The following AFAP1 variants were observed in gnomAD, a reference collection of about 807,000 sequenced individuals.
The protein encoded by AFAP1 is actin filament associated protein 1.
In AFAP1, 75 loss-of-function variants were observed where a neutral mutation model predicts 93.9. The ratio of observed to expected loss-of-function variants is 0.80; its 90% CI spans 0.66 to 0.97. The LOEUF is 0.97. Among genes scored for constraint, AFAP1 ranks in the 50% least tolerant of loss-of-function variants. The probability of loss-of-function intolerance (pLI) is 0.00; values close to 1 mark genes in which losing one functional copy is unlikely to be tolerated. For missense variants in AFAP1, 1,201 were observed against 1,050.8 expected (o/e 1.14, Z -1.98); for synonymous variants, 517 against 430.7 (o/e 1.20, Z -2.48).
rs1714039387 is a variant in AFAP1, at chr4:7,763,072, GAC to G, written c.*691_*692del. 1 of 152,506 alleles carries G rather than the reference GAC, an allele frequency of 6.6e-6. No individual in the cohort carries two copies. The highest frequency in any genetic ancestry group is 2.4e-5 in the African/African-American group (1 of 41,432). 9.4% of individuals were successfully genotyped at this position (152,506 alleles called of 1,614,324 possible). ...TCTGAAAACTCCTTGATCTAAGTGT[GAC>G]ACACAGTAAAAAGACATTCCTAAAA... On this transcript the variant is annotated 3_prime_UTR_variant, in exon 18 of 18. Coordinates refer to ENST00000420658, the MANE Select transcript of AFAP1 (RefSeq NM_001134647.2).
chr4:7,863,703 T>C (rs1716018435), intron 3 of AFAP1, among the ~76,000 whole-genome samples: 1 of 152,180 alleles, frequency 6.6e-6, no homozygotes, highest in South Asian at 2.1e-4. Flanking sequence ...TCTCAGGCTT[T>C]ATTAACTATT....
chr4:7,934,097 T>C (rs1309596291), intron 1 of AFAP1, among the ~76,000 whole-genome samples: 1 of 152,176 alleles, frequency 6.6e-6, no homozygotes, highest in Non-Finnish European at 1.5e-5. Flanking sequence ...CAACAGATGA[T>C]AGACTTGTTC....
chr4:7,796,063 G>A (rs1158502563), intron 10 of AFAP1, among the ~76,000 whole-genome samples: 1 of 152,118 alleles, frequency 6.6e-6, no homozygotes, highest in Non-Finnish European at 1.5e-5. Flanking sequence ...ACGTGTGAAT[G>A]TGTGTGTATG....
chr4:7,893,548 T>A (rs563262274), intron 1 of AFAP1, among the ~76,000 whole-genome samples: 99 of 142,508 alleles, frequency 6.9e-4, no homozygotes, highest in Non-Finnish European at 1.2e-3. Flanking sequence ...GCCACTGCAC[T>A]TCAGCCTGGG....
rs985420137 is a variant in AFAP1 at position 7,939,392 on chromosome 4, G to A, written c.-3+264C>T. 3.1e-6 allele frequency: 1 copy of A among 322,784 alleles called. No homozygotes were observed. The highest frequency in any genetic ancestry group is 6.2e-6 in the Non-Finnish European group (1 of 161,576). The allele number at this position is 322,784 out of a possible 1,614,324, so 20.0% of individuals were successfully genotyped here. A position where few individuals can be genotyped will look rare whatever the true frequency, so the allele number is the denominator to read the frequency against. On this transcript the variant is annotated intron_variant, in intron 1 of 17. Coordinates refer to ENST00000420658, the MANE Select transcript of AFAP1 (RefSeq NM_001134647.2). This position sits in a 1 kb window ranked among gnomAD's most constrained non-coding sequence, Gnocchi z 5.6. ...GCGGGGGCACCGGGCAGGAGCCAGC[G>A]CCCGGGTCCACGCAGTCCCCTCCGG...
intron 1 of AFAP1, among the ~76,000 whole-genome samples, chr4:7,915,915 A>T (rs1444111949): frequency 6.6e-6 from 1 of 152,234 alleles, no homozygotes; most frequent in African/African-American, 2.4e-5. Flanking sequence ...TTTAATAAGA[A>T]TTTTTTTAAA....
intron 4 of AFAP1, among the ~76,000 whole-genome samples, chr4:7,848,482 A>G (rs551234432): frequency 1.9e-4 from 29 of 152,226 alleles, no homozygotes; most frequent in African/African-American, 4.8e-4. Flanking sequence ...TGGTGCTGGT[A>G]TAAGTCCTGG....
intron 17 of AFAP1, among the ~76,000 whole-genome samples, chr4:7,764,328 G>C (rs1714239879): frequency 2.0e-5 from 3 of 152,090 alleles, no homozygotes; most frequent in African/African-American, 7.2e-5. Flanking sequence ...ATGGCGTGAG[G>C]CTAGGAGTTT....
intron 1 of AFAP1, among the ~76,000 whole-genome samples, chr4:7,909,657 T>C (rs1055691909): frequency 2.0e-5 from 3 of 152,236 alleles, no homozygotes; most frequent in African/African-American, 7.2e-5. Context: ...AGAGCCATTC[T>C]AAGCTAGTGA....
chr4:7,815,409 TTATG>T (rs1166568230), intron 8 of AFAP1, among the ~76,000 whole-genome samples: 1 of 152,270 alleles, frequency 6.6e-6, no homozygotes, highest in Non-Finnish European at 1.5e-5. Context: ...ATATTTTATA[TTATG>T]TATATTTTTA....
At chr4:7,837,330 G>A (rs550878045) in intron 6 of AFAP1, among the ~76,000 whole-genome samples, 1 of 152,268 alleles carries the variant, frequency 6.6e-6, no homozygotes, top group Admixed American at 6.5e-5. Flanking sequence ...TCTGGGAGGT[G>A]ACTAGGTCAT....
At chr4:7,769,725 C>T (rs1477559678) in intron 16 of AFAP1, among the ~76,000 whole-genome samples, 3 of 152,150 alleles carry the variant, frequency 2.0e-5, no homozygotes, top group African/African-American at 7.2e-5. Context: ...AGGATTCCTG[C>T]CAAAATGTGT....
At chr4:7,885,626 C>T (rs6842743) in intron 1 of AFAP1, among the ~76,000 whole-genome samples, 14,312 of 152,280 alleles carry the variant, frequency 0.094, 1,258 homozygotes, top group East Asian at 0.49. Flanking sequence ...GAACATGACA[C>T]TCAGTATATG....
At chr4:7,891,119 A>G (rs1275145615) in intron 1 of AFAP1, among the ~76,000 whole-genome samples, 2 of 152,246 alleles carry the variant, frequency 1.3e-5, no homozygotes, top group East Asian at 1.9e-4. Context: ...ACTCACACAC[A>G]TAACTCAGAT....
At chr4:7,838,727 C>A in intron 5 of AFAP1, 24 bp from the exon 6 acceptor site, 2 of 1,611,292 alleles carry the variant, frequency 1.2e-6, no homozygotes, top group Non-Finnish European at 1.7e-6. Context: ...AACAAATCAA[C>A]TGATATTATA....
chr4:7,873,570 G>C lies in AFAP1; in HGVS notation c.-2-1490C>G, dbSNP rs143806666. On this transcript the variant is annotated intron_variant, in intron 1 of 17. Transcript: ENST00000420658. ...TCACCGTGTTAGCCAGGATAGTCTC[G>C]ATCTCCTGACCTCGTGATCCACCCA... 5.8e-3 allele frequency among the ~76,000 whole-genome samples: 880 copies of C among 151,630 alleles called. 6 individuals are homozygous for C. The highest frequency in any genetic ancestry group is 0.019 in the African/African-American group (768 of 41,318).
chr4:7,803,309 T>C lies in AFAP1; in HGVS notation c.1055-2656A>G, dbSNP rs970399438. ...AAGGAAAACAGCCCGTGCTCTGGAG[T>C]GGTCAGGGCCCAGGCAACCCTTCAC... On this transcript the variant is annotated intron_variant, in intron 9 of 17. Transcript: ENST00000420658. Among the ~76,000 whole-genome samples, 4 of 152,126 alleles carry C rather than the reference T, an allele frequency of 2.6e-5. 1 individual carries two copies. Among genetic ancestry groups the C allele is most frequent in the South Asian group, 4.2e-4 (2 of 4,798 alleles).
chr4:7,868,962 A>C (rs1373141467), intron 2 of AFAP1, among the ~76,000 whole-genome samples: 1 of 151,706 alleles, frequency 6.6e-6, no homozygotes, highest in Non-Finnish European at 1.5e-5. Flanking sequence ...AAAGGGAAAG[A>C]AAAGAGAAAA....
chr4:7,782,136 A>C (rs1716835281), intron 12 of AFAP1, among the ~76,000 whole-genome samples: 1 of 152,142 alleles, frequency 6.6e-6, no homozygotes, highest in Non-Finnish European at 1.5e-5. Context: ...AGCACTTCTC[A>C]CGTCCTGGAC....
Sources: allele counts gnomAD v4.1 joint callset (sites outside exome capture counted in the v4.1 genomes callset), GRCh38; gene constraint gnomAD v4.1.1; non-coding constraint Gnocchi (gnomAD v3.1); transcripts MANE v1.5; gene names NCBI Gene and HGNC (gene_info 2026-07-23, HGNC 2026-07-21).